POGLUT2: variants seen among roughly 807,000 people sequenced by gnomAD.
The protein encoded by POGLUT2 is ER protein 58.
A neutral mutation model predicts 57.6 loss-of-function variants in POGLUT2; 47 were observed. The observed-to-expected ratio is 0.82, with a 90% confidence interval of 0.65 to 1.04. POGLUT2 has a LOEUF of 1.04. POGLUT2 is among the 50% of genes least tolerant of loss of function. The pLI, the probability that POGLUT2 is intolerant of heterozygous loss-of-function variation, is 0.00. For synonymous variants in POGLUT2, 200 were observed against 218.8 expected (o/e 0.91, Z 0.76); for missense variants, 565 against 614.8 (o/e 0.92, Z 0.86).
At chr13:102,791,992 A>C (rs1384158729) in intron 4 of POGLUT2, 13 of 1,289,586 alleles carry the variant, frequency 1.0e-5, no homozygotes, top group Non-Finnish European at 1.2e-5. Context: ...AAAAGCACTG[A>C]CCAGTCTGAG....
At chr13:102,792,084 G>A in intron 4 of POGLUT2, 1 of 1,284,842 alleles carries the variant, frequency 7.8e-7, no homozygotes, top group Non-Finnish European at 1.0e-6. Context: ...AAGTATGACG[G>A]TACTCTGATG....
intron 9 of POGLUT2, 45 bp downstream of exon 9, chr13:102,786,187 G>T: frequency 8.0e-7 from 1 of 1,253,648 alleles, no homozygotes; most frequent in Non-Finnish European, 1.2e-6. Context: ...TTGGATCAAT[G>T]TTAGTTTTTA....
intron 8 of POGLUT2, among the ~76,000 whole-genome samples, chr13:102,786,685 T>A (rs1480316325): frequency 2.0e-5 from 3 of 152,188 alleles, no homozygotes; most frequent in African/African-American, 7.2e-5. Context: ...GCTTTCCTTA[T>A]CATGGCTTGC....
chr13:102,797,320 C>G (rs999180243), intron 1 of POGLUT2, among the ~76,000 whole-genome samples: 1 of 152,172 alleles, frequency 6.6e-6, no homozygotes, highest in African/African-American at 2.4e-5. Context: ...AATATTCTTA[C>G]TAACTTATTT....
At chr13:102,790,328 A>T (rs1878118965) in intron 6 of POGLUT2, among the ~76,000 whole-genome samples, 2 of 152,074 alleles carry the variant, frequency 1.3e-5, no homozygotes, top group Non-Finnish European at 2.9e-5. Context: ...ACCATGGGGG[A>T]CTTCAGAAAC....
chr13:102,789,580 G>A (rs1202140464), intron 6 of POGLUT2, among the ~76,000 whole-genome samples: 1 of 152,232 alleles, frequency 6.6e-6, no homozygotes, highest in South Asian at 2.1e-4. Context: ...GGCATATTCT[G>A]AGCCATGTTA....
intron 7 of POGLUT2, among the ~76,000 whole-genome samples, 175 bp downstream of exon 7, chr13:102,788,837 C>G (rs188588707): frequency 6.6e-6 from 1 of 152,092 alleles, no homozygotes; most frequent in African/African-American, 2.4e-5. Flanking sequence ...ATGCAGTGCC[C>G]GCTGTGTTCA....
At chr13:102,794,859 T>G (rs1232004528) in intron 2 of POGLUT2, among the ~76,000 whole-genome samples, 1 of 152,072 alleles carries the variant, frequency 6.6e-6, no homozygotes, top group Non-Finnish European at 1.5e-5. Flanking sequence ...AACAGGTTCT[T>G]AAAGTGTCTA....
intron 1 of POGLUT2, among the ~76,000 whole-genome samples, chr13:102,797,860 A>AT (rs1475502239): frequency 6.6e-6 from 1 of 152,162 alleles, no homozygotes; most frequent in Non-Finnish European, 1.5e-5. Flanking sequence ...TTATTCCAGT[A>AT]TTTTTTTCTG....
intron 8 of POGLUT2, 115 bp downstream of exon 8, chr13:102,787,719 A>T: frequency 4.2e-6 from 2 of 478,784 alleles, no homozygotes; most frequent in South Asian, 1.2e-4. Flanking sequence ...TCATCCACAG[A>T]AGTATATATA....
chr13:102,798,561 G>C lies in POGLUT2; in HGVS notation c.110C>G (p.Pro37Arg). 1 of 1,613,110 alleles carries C rather than the reference G, an allele frequency of 6.2e-7. No individual in the cohort carries two copies. The highest frequency in any genetic ancestry group is 2.2e-5 in the East Asian group (1 of 44,706). The change falls in exon 1 of 10, where the codon CCC (proline) becomes CGC (arginine). Residue 37 changes from proline to arginine, a missense_variant. By Grantham distance (103) the Pro-to-Arg change is moderately radical. Coordinates refer to ENST00000376004, the MANE Select transcript of POGLUT2 (RefSeq NM_024089.3). The part of the protein sequence containing the change: ...LSPEKSEIWG[P>R]GLKADVVLPA... ...AAGGACGACGTCTGCTTTTAGCCCG[G>C]GTCCCCATATTTCGCTCTTCTCCGG...
At chr13:102,795,250 C>CAAAAAA (rs58015405) in intron 2 of POGLUT2, among the ~76,000 whole-genome samples, 12 of 42,562 alleles carry the variant, frequency 2.8e-4, no homozygotes, top group African/African-American at 4.7e-4. Context: ...GACATCGTCT[C>CAAAAAA]AAAAAAAAAA....
intron 4 of POGLUT2, 132 bp from the exon 5 acceptor site, chr13:102,791,562 G>T: frequency 1.2e-6 from 1 of 848,772 alleles, no homozygotes; most frequent in Non-Finnish European, 1.8e-6. Flanking sequence ...TAATTACCTT[G>T]GTTTGAATAG....
At chr13:102,784,771 G>A (rs1877868003) in intron 9 of POGLUT2, among the ~76,000 whole-genome samples, 1 of 152,140 alleles carries the variant, frequency 6.6e-6, no homozygotes, top group Admixed American at 6.6e-5. Context: ...AACAGTAGTG[G>A]TGAAAGACTA....
At chr13:102,796,356 G>A (rs1159406740) in intron 2 of POGLUT2, among the ~76,000 whole-genome samples, 1 of 148,698 alleles carries the variant, frequency 6.7e-6, no homozygotes, top group Admixed American at 6.7e-5. Flanking sequence ...ATTTCTCTGG[G>A]AAAATGGCAT....
chr13:102,789,878 G>A (rs1035818854), intron 6 of POGLUT2, among the ~76,000 whole-genome samples: 1 of 152,218 alleles, frequency 6.6e-6, no homozygotes, highest in Admixed American at 6.5e-5. Context: ...GATTACAGGC[G>A]TGAGCCATCA....
chr13:102,786,194 T>C, intron 9 of POGLUT2, 38 bp downstream of exon 9: 1 of 1,367,426 alleles, frequency 7.3e-7, no homozygotes, highest in East Asian at 2.3e-5. Flanking sequence ...AATGTTAGTT[T>C]TTACTCTGAC....
intron 7 of POGLUT2, among the ~76,000 whole-genome samples, chr13:102,788,173 G>A (rs920620487): frequency 6.6e-6 from 1 of 152,232 alleles, no homozygotes; most frequent in African/African-American, 2.4e-5. Context: ...GGAGAGACAA[G>A]GTTGTACACC....
chr13:102,786,849 C>A (rs1877965039), intron 8 of POGLUT2, among the ~76,000 whole-genome samples: 1 of 152,050 alleles, frequency 6.6e-6, no homozygotes, highest in African/African-American at 2.4e-5. Context: ...ACGGTTTGTC[C>A]TCTGCTTCCC....
Sources: allele counts gnomAD v4.1 joint callset (sites outside exome capture counted in the v4.1 genomes callset), GRCh38; gene constraint gnomAD v4.1.1; transcripts MANE v1.5; gene names NCBI Gene and HGNC (gene_info 2026-07-23, HGNC 2026-07-21).